DAAM2: variants seen among roughly 807,000 people sequenced by gnomAD.
The protein encoded by DAAM2 is disheveled-associated activator of morphogenesis 2.
Under a neutral mutation model 120.7 loss-of-function variants are expected in DAAM2, and 39 were observed. The ratio of observed to expected loss-of-function variants is 0.32; its 90% CI spans 0.25 to 0.42. The LOEUF is 0.42. DAAM2 is among the 10% of genes least tolerant of loss of function. The pLI, the probability that DAAM2 is intolerant of heterozygous loss-of-function variation, is 1.00. For synonymous variants in DAAM2, 488 were observed against 524.9 expected, an observed-to-expected ratio of 0.93 and a Z score of 0.96; for missense variants, 1,283 against 1,401.7, an observed-to-expected ratio of 0.92 and a Z score of 1.35.
intron 14 of DAAM2, chr6:39,883,647 T>G: frequency 3.5e-6 from 1 of 287,272 alleles, no homozygotes; most frequent in Non-Finnish European, 6.6e-6. Context: ...TGACTTTGCT[T>G]TTGGAAAAAG....
intron 21 of DAAM2, 109 bp from the exon 22 acceptor site, chr6:39,898,768 C>G: frequency 2.2e-6 from 2 of 929,504 alleles, no homozygotes; most frequent in Non-Finnish European, 3.4e-6. Context: ...CCCAGGCTCA[C>G]CGACTCCCAG....
chr6:39,884,367 G>A (rs1317725191), intron 15 of DAAM2: 3 of 278,700 alleles, frequency 1.1e-5, no homozygotes, highest in African/African-American at 4.3e-5. Flanking sequence ...TATTGAAATG[G>A]TGTTTTGTCC....
At chr6:39,821,315 C>A (rs1032333969) in intron 1 of DAAM2, 1 of 152,266 alleles carries the variant, frequency 6.6e-6, no homozygotes. Flanking sequence ...AAGCACACCC[C>A]ACCCCAGGAA....
At chr6:39,871,201 C>T (rs1764646069) in intron 8 of DAAM2, among the ~76,000 whole-genome samples, 1 of 152,094 alleles carries the variant, frequency 6.6e-6, no homozygotes, top group Non-Finnish European at 1.5e-5. Flanking sequence ...GCTAAACATC[C>T]TCACAGATCA....
intron 14 of DAAM2, among the ~76,000 whole-genome samples, chr6:39,883,054 T>C (rs1232650201): frequency 2.6e-5 from 4 of 152,018 alleles, no homozygotes; most frequent in African/African-American, 9.7e-5. Flanking sequence ...GGCAGAGAGA[T>C]TCTATGCTGA....
Position 39,878,143 on chromosome 6 carries a change from T to C in DAAM2, c.1302-60T>C, listed in dbSNP as rs1764946739. ...TGGAGGGTAGAAAGATGATGTCTCC[T>C]GGGAAGCTGTGAATCAATGGTCAAC... On this transcript the variant is annotated intron_variant, in intron 11 of 24. Transcript: ENST00000274867. This position sits in a 1 kb window ranked among gnomAD's most constrained non-coding sequence, Gnocchi z 5.0. 9.5e-6 allele frequency: 15 copies of C among 1,581,384 alleles called. No individual in the cohort carries two copies. In the South Asian group the frequency reaches 1.6e-4, roughly 17 times the overall value.
At chr6:39,833,026 G>T (rs576428516) in intron 1 of DAAM2, among the ~76,000 whole-genome samples, 267 of 152,244 alleles carry the variant, frequency 1.8e-3, no homozygotes, top group Non-Finnish European at 2.7e-3. Context: ...TTCCTCAGCT[G>T]TTGCCAGCCA....
chr6:39,864,867 C>T (rs1489571640), intron 4 of DAAM2, 113 bp from the exon 5 acceptor site: 2 of 1,333,524 alleles, frequency 1.5e-6, no homozygotes, highest in African/African-American at 2.9e-5. Flanking sequence ...TCTCAGTAAA[C>T]CATTCCCTGA....
chr6:39,812,546 T>C (rs1762193515), intron 1 of DAAM2, among the ~76,000 whole-genome samples: 1 of 152,134 alleles, frequency 6.6e-6, no homozygotes, highest in Admixed American at 6.5e-5. Context: ...AATTCTGCTT[T>C]GTTATAACTC....
intron 1 of DAAM2, among the ~76,000 whole-genome samples, chr6:39,804,550 G>GTGTGTGTA (rs1761956622): frequency 6.7e-6 from 1 of 149,974 alleles, no homozygotes; most frequent in Non-Finnish European, 1.5e-5. Flanking sequence ...GTGTGTGTGT[G>GTGTGTGTA]TGTATGCATG....
At chr6:39,846,897 TAGG>T (rs1286098185) in intron 1 of DAAM2, among the ~76,000 whole-genome samples, 2 of 152,176 alleles carry the variant, frequency 1.3e-5, no homozygotes. Flanking sequence ...ACACAACATT[TAGG>T]AGGAGGAAAG....
intron 1 of DAAM2, among the ~76,000 whole-genome samples, chr6:39,847,354 C>CT (rs1763635954): frequency 6.6e-6 from 1 of 152,128 alleles, no homozygotes; most frequent in African/African-American, 2.4e-5. Context: ...CAGAAGAAAG[C>CT]TGGAGGCTCC....
chr6:39,795,010 G>C (rs1230276596), intron 1 of DAAM2, among the ~76,000 whole-genome samples: 1 of 152,182 alleles, frequency 6.6e-6, no homozygotes, highest in African/African-American at 2.4e-5. Flanking sequence ...TGGGGTTTCT[G>C]GGAGTGCTGC....
rs745796226 is a variant in DAAM2 at position 39,887,525 on chromosome 6, C to T, written c.1993C>T (p.Arg665Cys). 4.9e-5 allele frequency: 79 copies of T among 1,613,626 alleles called. No homozygotes were observed. In the South Asian group the frequency reaches 5.7e-4, roughly 12 times the overall value. The change falls in exon 16 of 25, where the codon CGC becomes TGC. Residue 665 changes from arginine (R) to cysteine (C), a missense_variant. Transcript: ENST00000274867. ...CACTGAAGACATCTACCTGGCTTCCCGCAAGGTCAAAGAGCTGTCGGTCAT... is the reference window on the plus strand; with the variant it reads ...CACTGAAGACATCTACCTGGCTTCCTGCAAGGTCAAAGAGCTGTCGGTCAT... ...GSTEDIYLASRKVKELSVIDG... is the reference protein window; with the variant it reads ...GSTEDIYLASCKVKELSVIDG...
intron 1 of DAAM2, among the ~76,000 whole-genome samples, chr6:39,839,816 C>A (rs1292186246): frequency 6.6e-6 from 1 of 152,230 alleles, no homozygotes; most frequent in African/African-American, 2.4e-5. Context: ...ATGCAGGAAG[C>A]ATTTCTAAGT....
intron 21 of DAAM2, among the ~76,000 whole-genome samples, chr6:39,897,637 G>A (rs183528128): frequency 1.2e-4 from 18 of 152,314 alleles, no homozygotes; most frequent in Non-Finnish European, 2.4e-4. Flanking sequence ...GAGGTATTGG[G>A]AAGCAGGCTC....
chr6:39,810,540 C>T (rs1248074405), intron 1 of DAAM2, among the ~76,000 whole-genome samples: 4 of 152,180 alleles, frequency 2.6e-5, no homozygotes, highest in African/African-American at 9.7e-5. Context: ...TCCATCCCCT[C>T]TACCCAGAGG....
chr6:39,795,216 G>T (rs1008414770), intron 1 of DAAM2, among the ~76,000 whole-genome samples: 3 of 152,212 alleles, frequency 2.0e-5, no homozygotes, highest in Admixed American at 1.3e-4. Context: ...TGCATTCCAA[G>T]ACATCCTTGA....
chr6:39,869,249 G>A (rs1293536801), intron 7 of DAAM2, among the ~76,000 whole-genome samples: 1 of 152,078 alleles, frequency 6.6e-6, no homozygotes, highest in Non-Finnish European at 1.5e-5. Context: ...GTGCCTTCTG[G>A]TTTCCCTTCC....
Sources: gnomAD v4.1 joint callset for allele counts (sites outside exome capture counted in the v4.1 genomes callset) on GRCh38, gnomAD v4.1.1 for gene constraint, Gnocchi (gnomAD v3.1) non-coding constraint, MANE v1.5 for transcripts, NCBI Gene and HGNC (gene_info 2026-07-23, HGNC 2026-07-21) for gene names.